CAMK2A: variants seen among roughly 807,000 people sequenced by gnomAD.
CAMK2A encodes the protein calcium/calmodulin dependent protein kinase II alpha.
A neutral mutation model predicts 79.2 loss-of-function variants in CAMK2A; 7 were observed. The ratio of observed to expected loss-of-function variants is 0.09; its 90% CI spans 0.05 to 0.17. CAMK2A has a LOEUF of 0.17. Among genes scored for constraint, CAMK2A ranks in the 10% least tolerant of loss-of-function variants. The pLI is 1.00. For synonymous variants in CAMK2A, 242 were observed against 251.7 expected, an observed-to-expected ratio of 0.96 and a Z score of 0.36; for missense variants, 214 against 646.4, an observed-to-expected ratio of 0.33 and a Z score of 7.25.
intron 16 of CAMK2A, among the ~76,000 whole-genome samples, chr5:150,228,594 A>C (rs1754708285): frequency 6.6e-6 from 1 of 152,162 alleles, no homozygotes; most frequent in Non-Finnish European, 1.5e-5. Flanking sequence ...AGTGCACTAA[A>C]GGTGCTGGTG....
chr5:150,231,451 G>T (rs952161328), intron 15 of CAMK2A, 71 bp from the exon 16 acceptor site: 2 of 671,588 alleles, frequency 3.0e-6, no homozygotes, highest in South Asian at 5.1e-5. Flanking sequence ...AATAGTGATG[G>T]TAATGAAGCA....
At chr5:150,278,169 C>T (rs969810532) in intron 1 of CAMK2A, among the ~76,000 whole-genome samples, 1 of 152,126 alleles carries the variant, frequency 6.6e-6, no homozygotes, top group South Asian at 2.1e-4. Context: ...TAGTGCAAAA[C>T]ACTTGGCACA....
intron 1 of CAMK2A, among the ~76,000 whole-genome samples, chr5:150,286,200 A>G (rs1757419423): frequency 6.6e-6 from 1 of 152,222 alleles, no homozygotes; most frequent in South Asian, 2.1e-4. Context: ...GGATGAGCTC[A>G]TCTCTGGATC....
intron 16 of CAMK2A, among the ~76,000 whole-genome samples, chr5:150,228,596 G>A (rs539283273): frequency 6.6e-6 from 1 of 152,306 alleles, no homozygotes; most frequent in African/African-American, 2.4e-5. Flanking sequence ...TGCACTAAAG[G>A]TGCTGGTGGG....
intron 6 of CAMK2A, among the ~76,000 whole-genome samples, chr5:150,255,466 C>G (rs978179810): frequency 2.0e-5 from 3 of 152,230 alleles, no homozygotes; most frequent in Non-Finnish European, 4.4e-5. Context: ...CCGGGAGGAC[C>G]GTGGCAGGGG....
intron 2 of CAMK2A, among the ~76,000 whole-genome samples, chr5:150,267,061 A>G (rs1171973743): frequency 1.3e-5 from 2 of 152,214 alleles, no homozygotes; most frequent in Non-Finnish European, 2.9e-5. Context: ...TCAACTCCCC[A>G]GCTGAAAACC....
At chr5:150,261,140 C>G (rs78391890) in intron 3 of CAMK2A, among the ~76,000 whole-genome samples, 1 of 113,252 alleles carries the variant, frequency 8.8e-6, no homozygotes, top group South Asian at 2.6e-4. Context: ...CCAGAGCTGA[C>G]TCTCCCTCAG....
chr5:150,233,793 G>A (rs544043401), intron 15 of CAMK2A, among the ~76,000 whole-genome samples: 1 of 152,144 alleles, frequency 6.6e-6, no homozygotes, highest in African/African-American at 2.4e-5. Flanking sequence ...TTGTTTGTTT[G>A]TGTTTTTGTT....
At chr5:150,272,572 C>CAA (rs1216822947) in intron 2 of CAMK2A, among the ~76,000 whole-genome samples, 12 of 98,748 alleles carry the variant, frequency 1.2e-4, no homozygotes, top group Non-Finnish European at 1.5e-4. Flanking sequence ...AACTCCATCT[C>CAA]AAAAAAAAAA....
chr5:150,253,576 G>A (rs1755926913), intron 6 of CAMK2A, 30 bp from the exon 7 acceptor site: 1 of 1,570,262 alleles, frequency 6.4e-7, no homozygotes, highest in Non-Finnish European at 8.8e-7. Flanking sequence ...AGGGAGGAAG[G>A]GGAGGAAAGC....
At chr5:150,275,890 T>C (rs1208354487) in intron 1 of CAMK2A, among the ~76,000 whole-genome samples, 4 of 152,054 alleles carry the variant, frequency 2.6e-5, no homozygotes, top group Non-Finnish European at 4.4e-5. Context: ...CTAGGCATGA[T>C]TGATTATTAA....
In CAMK2A at chr5:150,256,537, T is replaced by G; in HGVS notation, c.411+36A>C. The G allele has an allele frequency of 6.6e-7, 1 of 1,509,268 alleles. No individual in the cohort carries two copies. Among genetic ancestry groups the G allele is most frequent in the Non-Finnish European group, 9.2e-7 (1 of 1,086,760 alleles). The allele number at this position is 1,509,268 out of a possible 1,614,324, so 93.5% of individuals were successfully genotyped here. ...AGGGACGTGCAGAGGAGAGAGGGGCTCCCGGGGTGAGCCACACCCACGGTG... is the reference window on the plus strand; with the variant it reads ...AGGGACGTGCAGAGGAGAGAGGGGCGCCCGGGGTGAGCCACACCCACGGTG... On this transcript the variant is annotated intron_variant, in intron 6 of 18. Coordinates refer to ENST00000671881, the MANE Select transcript of CAMK2A (RefSeq NM_015981.4). This position sits in a 1 kb window ranked among gnomAD's most constrained non-coding sequence, Gnocchi z 4.6.
At chr5:150,246,475 T>G (rs556659167) in intron 12 of CAMK2A, among the ~76,000 whole-genome samples, 1 of 152,186 alleles carries the variant, frequency 6.6e-6, no homozygotes, top group Non-Finnish European at 1.5e-5. Flanking sequence ...AATCTGGGGT[T>G]TTCTATGAAA....
At position 150,222,657 on chromosome 5, in the gene CAMK2A, C is replaced by T. The variant is rs1379065623; in HGVS notation, c.*53G>A. The T allele has an allele frequency of 3.6e-5, 57 of 1,600,588 alleles. 1 individual carries two copies. In the East Asian group the frequency reaches 4.2e-4, roughly 12 times the overall value. ...TGGGAGAACCAGCAGCTCCACTCCA[C>T]GGACAGAGTGGATCTCTGCGGCACA... On this transcript the variant is annotated 3_prime_UTR_variant, in exon 19 of 19. Coordinates refer to ENST00000671881, the MANE Select transcript of CAMK2A (RefSeq NM_015981.4).
intron 12 of CAMK2A, among the ~76,000 whole-genome samples, 175 bp downstream of exon 12, chr5:150,247,597 C>T (rs530106437): frequency 4.9e-4 from 75 of 152,266 alleles, no homozygotes; most frequent in Non-Finnish European, 9.3e-4. Context: ...CTTTTGACCT[C>T]TCTTCACTTC....
At chr5:150,263,834 A>G (rs1199731780) in intron 3 of CAMK2A, among the ~76,000 whole-genome samples, 10 of 152,212 alleles carry the variant, frequency 6.6e-5, no homozygotes, top group Non-Finnish European at 1.0e-4. Flanking sequence ...GGACATTAGT[A>G]GGTCAGGGAC....
rs930532070 is a variant in CAMK2A, at chr5:150,223,935, A to G, written c.1238-718T>C. Among the ~76,000 whole-genome samples the G allele has an allele frequency of 2.0e-5, 3 of 152,232 alleles. No individual in the cohort carries two copies. The highest frequency in any genetic ancestry group is 7.2e-5 in the African/African-American group (3 of 41,460). ...TCTGAAGTATATCTACTTCTACTGTATATCTACTTCTACTGTAGATATACA... is the reference window on the plus strand; with the variant it reads ...TCTGAAGTATATCTACTTCTACTGTGTATCTACTTCTACTGTAGATATACA... On this transcript the variant is annotated intron_variant, in intron 17 of 18. Transcript: ENST00000671881. The surrounding 1 kb of genome is among the most constrained non-coding windows in gnomAD (Gnocchi z 4.1).
In CAMK2A at chr5:150,223,737, T is replaced by C. The variant is rs1248721206; in HGVS notation, c.1238-520A>G. Among the ~76,000 whole-genome samples the C allele has an allele frequency of 2.6e-5, 4 of 152,212 alleles. No homozygotes were observed. Among genetic ancestry groups the C allele is most frequent in the African/African-American group, 9.7e-5 (4 of 41,436 alleles). The stretch of plus-strand genomic sequence containing the variant: ...ATCCTGCACACAGCTTCCCTGGTGG[T>C]TGCCATGTGAGTGAGACCAGTGTTG... On this transcript the variant is annotated intron_variant, in intron 17 of 18. Coordinates refer to ENST00000671881, the MANE Select transcript of CAMK2A (RefSeq NM_015981.4). The surrounding 1 kb of genome is among the most constrained non-coding windows in gnomAD (Gnocchi z 4.1).
chr5:150,226,275 T>C (rs1411926650), intron 17 of CAMK2A, among the ~76,000 whole-genome samples: 2 of 152,028 alleles, frequency 1.3e-5, no homozygotes, highest in East Asian at 3.9e-4. Flanking sequence ...GTGAGTCAGG[T>C]CTAGGTTCTG....
Sources: gnomAD v4.1 joint callset for allele counts (sites outside exome capture counted in the v4.1 genomes callset) on GRCh38, gnomAD v4.1.1 for gene constraint, Gnocchi (gnomAD v3.1) non-coding constraint, MANE v1.5 for transcripts, NCBI Gene and HGNC (gene_info 2026-07-23, HGNC 2026-07-21) for gene names.